WDFY2: variants seen among roughly 807,000 people sequenced by gnomAD.
WDFY2 encodes the protein WD repeat and FYVE domain containing 2.
Under a neutral mutation model 56.4 loss-of-function variants are expected in WDFY2, and 36 were observed. The ratio of observed to expected loss-of-function variants is 0.64; its 90% CI spans 0.49 to 0.84. The LOEUF (loss-of-function observed/expected upper bound fraction) is 0.84. Ranked by LOEUF, WDFY2 falls within the 40% of genes least tolerant of loss-of-function variation. The probability of loss-of-function intolerance (pLI) is 0.00; values close to 1 mark genes in which losing one functional copy is unlikely to be tolerated. For synonymous variants in WDFY2, 176 were observed against 183.7 expected (o/e 0.96, Z 0.34); for missense variants, 444 against 512.2 (o/e 0.87, Z 1.29).
chr13:51,645,980 G>A (rs1019645480), intron 1 of WDFY2, among the ~76,000 whole-genome samples: 2 of 152,122 alleles, frequency 1.3e-5, no homozygotes, highest in African/African-American at 2.4e-5. Flanking sequence ...ACTGATGAAT[G>A]ACACCACCAT....
At chr13:51,695,466 G>A (rs1248142815) in intron 3 of WDFY2, among the ~76,000 whole-genome samples, 5 of 152,206 alleles carry the variant, frequency 3.3e-5, no homozygotes, top group Admixed American at 3.3e-4. Context: ...CTGTTTGCCT[G>A]GGTACCAGCA....
chr13:51,588,007 A>G (rs916601984), intron 1 of WDFY2: 2 of 152,246 alleles, frequency 1.3e-5, no homozygotes, highest in African/African-American at 4.8e-5. Flanking sequence ...GAAGAAATGT[A>G]AAAACAATCT....
At chr13:51,625,853 C>T (rs1954827203) in intron 1 of WDFY2, among the ~76,000 whole-genome samples, 3 of 152,244 alleles carry the variant, frequency 2.0e-5, no homozygotes. Flanking sequence ...GGGAATTTTT[C>T]ATCTGATGCA....
chr13:51,737,551 TAAAAAAAAAAAAAAAA>T (rs67418551), intron 6 of WDFY2, among the ~76,000 whole-genome samples: 5,147 of 54,012 alleles, frequency 0.095, 317 homozygotes, highest in Admixed American at 0.31. Context: ...ACAATGAATT[TAAAAAAAAAAAAAAAA>T]AAAAAAAAAA....
chr13:51,586,051 C>G, intron 1 of WDFY2: 1 of 398,546 alleles, frequency 2.5e-6, no homozygotes, highest in Non-Finnish European at 4.4e-6. Flanking sequence ...TGTAAACATA[C>G]ACCAGTGGCA....
At chr13:51,692,848 A>G (rs1316664946) in intron 3 of WDFY2, among the ~76,000 whole-genome samples, 2 of 152,144 alleles carry the variant, frequency 1.3e-5, no homozygotes, top group Admixed American at 1.3e-4. Context: ...TTGGTAAGCT[A>G]TTGATTATTG....
At chr13:51,668,174 C>T (rs1955746827) in intron 2 of WDFY2, among the ~76,000 whole-genome samples, 1 of 151,966 alleles carries the variant, frequency 6.6e-6, no homozygotes, top group South Asian at 2.1e-4. Context: ...CCACCGCACC[C>T]GGCCCGGAAC....
At chr13:51,715,641 A>C (rs1017082144) in intron 4 of WDFY2, among the ~76,000 whole-genome samples, 1 of 152,130 alleles carries the variant, frequency 6.6e-6, no homozygotes, top group South Asian at 2.1e-4. Context: ...GAAGGAGTAC[A>C]CTCTAAAATA....
intron 1 of WDFY2, among the ~76,000 whole-genome samples, chr13:51,623,395 A>G (rs1954778201): frequency 1.3e-5 from 2 of 152,128 alleles, no homozygotes; most frequent in African/African-American, 4.8e-5. Flanking sequence ...ATGTGAAAGA[A>G]CAGTGTGCCT....
intron 1 of WDFY2, among the ~76,000 whole-genome samples, chr13:51,630,611 T>C (rs1021575696): frequency 2.0e-5 from 3 of 152,128 alleles, no homozygotes; most frequent in African/African-American, 4.8e-5. Context: ...TATTTTGTTC[T>C]TTCACCCAGT....
chr13:51,618,757 T>C (rs1258724168), intron 1 of WDFY2, among the ~76,000 whole-genome samples: 2 of 152,220 alleles, frequency 1.3e-5, no homozygotes, highest in African/African-American at 2.4e-5. Flanking sequence ...AGATTGTTGC[T>C]GGGAATTTCT....
At chr13:51,755,316 A>C in intron 8 of WDFY2, 42 bp from the exon 9 acceptor site, 1 of 1,596,256 alleles carries the variant, frequency 6.3e-7, no homozygotes, top group Non-Finnish European at 8.6e-7. Flanking sequence ...CATTGTCCTG[A>C]CTGCTGGCCA....
chr13:51,685,351 G>A (rs527434486), intron 3 of WDFY2, among the ~76,000 whole-genome samples: 4 of 152,272 alleles, frequency 2.6e-5, no homozygotes, highest in Non-Finnish European at 5.9e-5. Context: ...CAATGTGGGG[G>A]TTAGGGGCAC....
intron 8 of WDFY2, among the ~76,000 whole-genome samples, chr13:51,754,930 CACAA>C (rs1366717286): frequency 1.3e-5 from 2 of 152,016 alleles, no homozygotes; most frequent in African/African-American, 2.4e-5. Flanking sequence ...GAAATTGTTT[CACAA>C]ACAAACATTA....
intron 2 of WDFY2, among the ~76,000 whole-genome samples, chr13:51,668,973 G>A (rs1396742918): frequency 1.3e-5 from 2 of 152,124 alleles, no homozygotes; most frequent in Non-Finnish European, 1.5e-5. Flanking sequence ...CTCCCAAATC[G>A]AAATATTTTG....
At chr13:51,620,750 G>A (rs916533180) in intron 1 of WDFY2, among the ~76,000 whole-genome samples, 5 of 152,190 alleles carry the variant, frequency 3.3e-5, no homozygotes, top group African/African-American at 1.2e-4. Flanking sequence ...ATGGTGTGAT[G>A]TGGCCTGTGA....
At chr13:51,608,006 A>G (rs1954416273) in intron 1 of WDFY2, among the ~76,000 whole-genome samples, 1 of 152,180 alleles carries the variant, frequency 6.6e-6, no homozygotes, top group Non-Finnish European at 1.5e-5. Context: ...CCACAAGCTA[A>G]GGAATGCTGG....
At chr13:51,689,827 T>C (rs1251449799) in intron 3 of WDFY2, among the ~76,000 whole-genome samples, 1 of 152,180 alleles carries the variant, frequency 6.6e-6, no homozygotes, top group Non-Finnish European at 1.5e-5. Context: ...GAAATGAAGA[T>C]TAAGCAAAGC....
chr13:51,694,127 C>A (rs904848882), intron 3 of WDFY2, among the ~76,000 whole-genome samples: 1 of 152,154 alleles, frequency 6.6e-6, no homozygotes, highest in Non-Finnish European at 1.5e-5. Context: ...TGGGTCTTGA[C>A]TCTTTATCCA....
Sources: allele counts gnomAD v4.1 joint callset (sites outside exome capture counted in the v4.1 genomes callset), GRCh38; gene constraint gnomAD v4.1.1; transcripts MANE v1.5; gene names NCBI Gene and HGNC (gene_info 2026-07-23, HGNC 2026-07-21).